The following FAM53A variants were observed in gnomAD, a reference collection of about 807,000 sequenced individuals.
FAM53A encodes the protein protein FAM53A.
A neutral mutation model predicts 26.6 loss-of-function variants in FAM53A; 28 were observed. That is an observed-to-expected ratio of 1.05 (90% CI 0.78 to 1.45). The LOEUF (loss-of-function observed/expected upper bound fraction) is 1.45. Ranked by LOEUF, FAM53A falls within the 40% of genes most tolerant of loss-of-function variation. FAM53A has a pLI of 0.00. For synonymous variants in FAM53A, 290 were observed against 253.1 expected, an observed-to-expected ratio of 1.15 and a Z score of -1.38; for missense variants, 650 against 575.8, an observed-to-expected ratio of 1.13 and a Z score of -1.32.
exon 2 of FAM53A, chr4:1,618,015 C>G: frequency 2.2e-6 from 1 of 456,302 alleles, no homozygotes; most frequent in Non-Finnish European, 4.4e-6. Flanking sequence ...TAGAGCCGAC[C>G]AGTGAGGAGA....
At chr4:1,602,708 A>G in the FAM53A span, among the ~76,000 whole-genome samples, 1 of 152,094 alleles carries the variant, frequency 6.6e-6, no homozygotes, top group Non-Finnish European at 1.5e-5. Flanking sequence ...GGCCAGGCTG[A>G]GCGAGACCCG....
the FAM53A span, among the ~76,000 whole-genome samples, chr4:1,600,205 C>T: frequency 6.6e-6 from 1 of 152,136 alleles, no homozygotes; most frequent in Non-Finnish European, 1.5e-5. Context: ...AGGGCTGGGG[C>T]AGGAGGGGGT....
intron 4 of FAM53A, among the ~76,000 whole-genome samples, chr4:1,654,494 C>T (rs557410316): frequency 3.9e-5 from 6 of 152,248 alleles, no homozygotes; most frequent in African/African-American, 1.2e-4. Flanking sequence ...AGTCCCAAAG[C>T]GCACAGGCGC....
chr4:1,619,548 G>GC (rs976481237), intron 1 of FAM53A, among the ~76,000 whole-genome samples: 1 of 152,172 alleles, frequency 6.6e-6, no homozygotes, highest in Non-Finnish European at 1.5e-5. Flanking sequence ...TCTCCCTCCC[G>GC]CACCAGGTGC....
intron 2 of FAM53A, among the ~76,000 whole-genome samples, chr4:1,664,671 C>T (rs1035314713): frequency 1.2e-4 from 18 of 152,180 alleles, no homozygotes; most frequent in Admixed American, 1.2e-3. Flanking sequence ...ATCACACTGT[C>T]CGAATTACAC....
In FAM53A at chr4:1,657,731, G is replaced by A. The variant is rs372447728; in HGVS notation, c.76-263C>T. ...CGGCTCACTGCAAGCTCCGCCTCTCGGGTTCACGCCATTCTCCTGCCTCAG... is the reference window on the plus strand; with the variant it reads ...CGGCTCACTGCAAGCTCCGCCTCTCAGGTTCACGCCATTCTCCTGCCTCAG... On this transcript the variant is annotated intron_variant, in intron 2 of 4. Coordinates refer to ENST00000308132, the MANE Select transcript of FAM53A (RefSeq NM_001174070.3). Among the ~76,000 whole-genome samples, 428 of 152,090 alleles carry A rather than the reference G, an allele frequency of 2.8e-3. 1 individual carries two copies. Among genetic ancestry groups the A allele is most frequent in the Non-Finnish European group, 4.1e-3 (277 of 68,002 alleles).
chr4:1,589,932 C>T, the FAM53A span, among the ~76,000 whole-genome samples: 3 of 152,052 alleles, frequency 2.0e-5, no homozygotes, highest in Non-Finnish European at 4.4e-5. Flanking sequence ...ATCTTGTTTC[C>T]TTAGCTATAT....
chr4:1,618,527 C>T (rs1714893321), intron 1 of FAM53A, among the ~76,000 whole-genome samples: 1 of 152,184 alleles, frequency 6.6e-6, no homozygotes, highest in South Asian at 2.1e-4. Context: ...CCCTGCTGTG[C>T]CCACCTGGAG....
chr4:1,675,102 G>A (rs1332509722), intron 1 of FAM53A, among the ~76,000 whole-genome samples: 1 of 152,226 alleles, frequency 6.6e-6, no homozygotes, highest in Non-Finnish European at 1.5e-5. Context: ...TTGAAGCCAG[G>A]ACTGAAAGCT....
chr4:1,649,625 C>G (rs1712570414), intron 4 of FAM53A, among the ~76,000 whole-genome samples: 1 of 152,244 alleles, frequency 6.6e-6, no homozygotes, highest in Non-Finnish European at 1.5e-5. Context: ...TGAACACACT[C>G]AGGCTGCCCC....
At chr4:1,624,508 G>T (rs1028741318) in intron 1 of FAM53A, among the ~76,000 whole-genome samples, 1 of 152,200 alleles carries the variant, frequency 6.6e-6, no homozygotes, top group Non-Finnish European at 1.5e-5. Context: ...GACGGCAGGG[G>T]TGACTGCGCA....
At chr4:1,595,891 C>T in the FAM53A span, among the ~76,000 whole-genome samples, 2 of 152,196 alleles carry the variant, frequency 1.3e-5, no homozygotes, top group Admixed American at 1.3e-4. Context: ...CAGTCTGATC[C>T]TCTCTGTGGT....
chr4:1,612,531 T>C, the FAM53A span, among the ~76,000 whole-genome samples: 1 of 152,116 alleles, frequency 6.6e-6, no homozygotes, highest in Non-Finnish European at 1.5e-5. Flanking sequence ...GGCACACATG[T>C]ACACACCCAC....
chr4:1,655,972 C>A (rs1428992138), intron 3 of FAM53A, among the ~76,000 whole-genome samples: 2 of 152,118 alleles, frequency 1.3e-5, no homozygotes. Flanking sequence ...TGTCAGCCTC[C>A]CCACCGGTGC....
chr4:1,653,249 G>A (rs112695095), intron 4 of FAM53A, among the ~76,000 whole-genome samples: 18 of 152,192 alleles, frequency 1.2e-4, no homozygotes, highest in Non-Finnish European at 1.6e-4. Flanking sequence ...TGGGTCTGGC[G>A]AGTCCTTGCC....
At chr4:1,668,943 C>G (rs749141285) in intron 1 of FAM53A, 38 bp from the exon 2 acceptor site, 8 of 531,904 alleles carry the variant, frequency 1.5e-5, no homozygotes, top group African/African-American at 7.8e-5. Context: ...TGTGATTATA[C>G]GCAAAACCAT....
At chr4:1,602,215 T>C in the FAM53A span, among the ~76,000 whole-genome samples, 1 of 152,092 alleles carries the variant, frequency 6.6e-6, no homozygotes, top group African/African-American at 2.4e-5. Context: ...ATAATTCCAT[T>C]TTAAGAGATC....
chr4:1,684,195 A>G (rs1223466330), intron 1 of FAM53A, 38 bp downstream of exon 1: 2 of 151,082 alleles, frequency 1.3e-5, no homozygotes, highest in African/African-American at 4.9e-5. Flanking sequence ...TGGACAAGAG[A>G]GGAGGGGGCG....
downstream of FAM53A, among the ~76,000 whole-genome samples, chr4:1,638,508 T>G (rs533231397): frequency 6.6e-6 from 1 of 151,882 alleles, no homozygotes; most frequent in Non-Finnish European, 1.5e-5. Context: ...CCAGCCCCAC[T>G]CACCAGCCAG....
Sources: allele counts gnomAD v4.1 joint callset (sites outside exome capture counted in the v4.1 genomes callset), GRCh38; gene constraint gnomAD v4.1.1; transcripts MANE v1.5; gene names NCBI Gene and HGNC (gene_info 2026-07-23, HGNC 2026-07-21).